TSGA10: variants seen among roughly 807,000 people sequenced by gnomAD.
TSGA10 encodes the protein testis specific 10, also known as testis-specific gene 10 protein.
TSGA10 carries 43 observed loss-of-function variants against 96.6 expected under a neutral mutation model. The ratio of observed to expected loss-of-function variants is 0.44; its 90% CI spans 0.35 to 0.57. The LOEUF (loss-of-function observed/expected upper bound fraction) is 0.57, where lower values mean the gene tolerates loss of function less well. TSGA10 is among the 20% of genes least tolerant of loss of function. The probability of loss-of-function intolerance (pLI) is 0.01; values close to 1 mark genes in which losing one functional copy is unlikely to be tolerated. For synonymous variants in TSGA10, 229 were observed against 269.9 expected (o/e 0.85, Z 1.48); for missense variants, 703 against 834.4 (o/e 0.84, Z 1.94).
chr2:99,016,503 T>A lies in TSGA10; in HGVS notation c.2072+1697A>T, dbSNP rs568480139. 1.1e-4 allele frequency among the ~76,000 whole-genome samples: 17 copies of A among 152,218 alleles called. No individual in the cohort carries two copies. The East Asian group carries it at 3.1e-3, about 28-fold the overall frequency. On this transcript the variant is annotated intron_variant, in intron 20 of 20. Coordinates refer to ENST00000393483, the MANE Select transcript of TSGA10 (RefSeq NM_025244.4). ...CTTATAAAAAATCAACTCAAGATGA[T>A]CAAAGACCTAAATCTAACATCTGAA...
chr2:99,045,896 A>G (rs2082720771), intron 16 of TSGA10, among the ~76,000 whole-genome samples: 1 of 152,032 alleles, frequency 6.6e-6, no homozygotes, highest in South Asian at 2.1e-4. Flanking sequence ...GAGCAAATGG[A>G]AAACAAAAAA....
intron 10 of TSGA10, among the ~76,000 whole-genome samples, chr2:99,086,301 C>T (rs971771230): frequency 2.0e-5 from 3 of 152,138 alleles, no homozygotes; most frequent in African/African-American, 7.2e-5. Context: ...TGTAAAATTA[C>T]AATGCTTTTG....
chr2:99,007,468 C>A (rs1249032801), intron 20 of TSGA10, among the ~76,000 whole-genome samples: 1 of 151,862 alleles, frequency 6.6e-6, no homozygotes, highest in South Asian at 2.1e-4. Context: ...AACACTAATA[C>A]CAGACAAAGT....
intron 10 of TSGA10, among the ~76,000 whole-genome samples, chr2:99,096,718 C>T (rs946920628): frequency 6.6e-6 from 1 of 152,156 alleles, no homozygotes; most frequent in East Asian, 1.9e-4. Context: ...GAGGAGGCAA[C>T]AGAAAACAGA....
intron 1 of TSGA10, among the ~76,000 whole-genome samples, chr2:99,146,451 T>G (rs1419759394): frequency 6.6e-6 from 1 of 151,530 alleles, no homozygotes; most frequent in African/African-American, 2.4e-5. Context: ...GTTTATATTT[T>G]TTTCATTGAA....
At chr2:99,091,691 G>A (rs1450976621) in intron 10 of TSGA10, among the ~76,000 whole-genome samples, 1 of 152,062 alleles carries the variant, frequency 6.6e-6, no homozygotes, top group Non-Finnish European at 1.5e-5. Flanking sequence ...AACAACAGCA[G>A]TTGAAAAAGA....
At position 99,109,489 on chromosome 2, in the gene TSGA10, A is replaced by G. The variant is rs1390693830; in HGVS notation, c.-50T>C. The stretch of plus-strand genomic sequence containing the variant: ...CTTATAGTGATCTTTGTCTGCTTCC[A>G]AAGTCTTGACAAAGGAATCAAGTCT... On this transcript the variant is annotated 5_prime_UTR_variant, in exon 6 of 21. Transcript: ENST00000393483. 3 of 1,602,650 alleles carry G rather than the reference A, an allele frequency of 1.9e-6. No homozygotes were observed. Among genetic ancestry groups the G allele is most frequent in the Non-Finnish European group, 8.5e-7 (1 of 1,173,064 alleles).
intron 1 of TSGA10, chr2:99,141,961 AG>A: frequency 6.6e-6 from 1 of 152,550 alleles, no homozygotes; most frequent in Non-Finnish European, 1.5e-5. Context: ...GCCTGGAGTC[AG>A]GGGAGCCTGG....
intron 6 of TSGA10, 52 bp from the exon 7 acceptor site, chr2:99,109,043 A>C: frequency 7.4e-7 from 1 of 1,352,172 alleles, no homozygotes. Flanking sequence ...GTACTGATAG[A>C]AAGGTGCTAC....
At chr2:99,097,079 T>G (rs1559002913) in intron 10 of TSGA10, among the ~76,000 whole-genome samples, 2 of 152,106 alleles carry the variant, frequency 1.3e-5, no homozygotes, top group Non-Finnish European at 2.9e-5. Flanking sequence ...GAGAACTGAC[T>G]GGAAAGGAGA....
At chr2:99,120,439 A>G (rs2092510423) in intron 2 of TSGA10, among the ~76,000 whole-genome samples, 1 of 152,094 alleles carries the variant, frequency 6.6e-6, no homozygotes, top group Admixed American at 6.6e-5. Context: ...TTGATCCTAG[A>G]AGATGCACCT....
intron 1 of TSGA10, among the ~76,000 whole-genome samples, chr2:99,144,212 G>C (rs973411259): frequency 6.6e-6 from 1 of 151,728 alleles, no homozygotes; most frequent in African/African-American, 2.4e-5. Context: ...TAGTAGAGAC[G>C]GGGTTTCACT....
chr2:99,100,663 A>G (rs903287449), intron 10 of TSGA10, among the ~76,000 whole-genome samples: 2 of 151,732 alleles, frequency 1.3e-5, no homozygotes, highest in African/African-American at 2.4e-5. Flanking sequence ...TACTAAAAAT[A>G]CAAAAAATTA....
intron 3 of TSGA10, among the ~76,000 whole-genome samples, chr2:99,118,031 C>T (rs895963279): frequency 2.6e-5 from 4 of 151,744 alleles, no homozygotes; most frequent in Admixed American, 2.0e-4. Context: ...GATTTTTAGC[C>T]AATCTATTAG....
intron 10 of TSGA10, chr2:99,102,867 A>T: frequency 1.3e-6 from 1 of 760,724 alleles, no homozygotes; most frequent in South Asian, 1.5e-5. Context: ...TTAAAGCATC[A>T]TAGTCCTTTT....
chr2:99,102,834 T>G, intron 10 of TSGA10: 3 of 1,132,240 alleles, frequency 2.6e-6, no homozygotes, highest in Non-Finnish European at 4.0e-6. Flanking sequence ...TAAACCTAAA[T>G]ATTTGGCCAA....
intron 1 of TSGA10, chr2:99,142,020 G>A (rs1332739772): frequency 6.6e-6 from 1 of 152,304 alleles, no homozygotes; most frequent in Non-Finnish European, 1.5e-5. Flanking sequence ...GAATCAGGAA[G>A]TGGCAGATCT....
chr2:99,095,479 T>C (rs1446415540), intron 10 of TSGA10, among the ~76,000 whole-genome samples: 5 of 152,160 alleles, frequency 3.3e-5, no homozygotes, highest in Non-Finnish European at 7.3e-5. Context: ...TTTTAAGTGA[T>C]AATGATTCTT....
intron 16 of TSGA10, among the ~76,000 whole-genome samples, chr2:99,045,734 T>C (rs2082700256): frequency 6.6e-6 from 1 of 152,154 alleles, no homozygotes; most frequent in Non-Finnish European, 1.5e-5. Flanking sequence ...CACATGACAA[T>C]ATTAACCTTA....
Sources: allele counts gnomAD v4.1 joint callset (sites outside exome capture counted in the v4.1 genomes callset), GRCh38; gene constraint gnomAD v4.1.1; transcripts MANE v1.5; gene names NCBI Gene and HGNC (gene_info 2026-07-23, HGNC 2026-07-21).